CHRM3: variants seen among roughly 807,000 people sequenced by gnomAD.
The protein encoded by CHRM3 is cholinergic receptor muscarinic 3.
A neutral mutation model predicts 41.8 loss-of-function variants in CHRM3; 11 were observed. The observed-to-expected ratio is 0.26, with a 90% CI of 0.17 to 0.44. The LOEUF (loss-of-function observed/expected upper bound fraction) is 0.44. CHRM3 is among the 20% of genes least tolerant of loss of function. CHRM3 has a pLI of 1.00. For synonymous variants in CHRM3, 297 were observed against 301.4 expected (o/e 0.99, Z 0.15); for missense variants, 571 against 745.4 (o/e 0.77, Z 2.72).
At chr1:239,843,359 T>G (rs533381702) in intron 6 of CHRM3, among the ~76,000 whole-genome samples, 1 of 152,134 alleles carries the variant, frequency 6.6e-6, no homozygotes, top group South Asian at 2.1e-4. Flanking sequence ...TTATGATTAT[T>G]TATATAATTA....
intron 1 of CHRM3, among the ~76,000 whole-genome samples, chr1:239,438,643 G>T (rs563665805): frequency 6.6e-6 from 1 of 152,208 alleles, no homozygotes; most frequent in Non-Finnish European, 1.5e-5. Flanking sequence ...TTTGAGATTT[G>T]GGAGGCTTTC....
chr1:239,436,336 G>A (rs1385211791), intron 1 of CHRM3, among the ~76,000 whole-genome samples: 2 of 152,126 alleles, frequency 1.3e-5, no homozygotes, highest in Non-Finnish European at 2.9e-5. Flanking sequence ...CTGGGATCCC[G>A]TTGGTCCTGA....
At chr1:239,731,172 C>T (rs992039385) in intron 5 of CHRM3, among the ~76,000 whole-genome samples, 2 of 151,910 alleles carry the variant, frequency 1.3e-5, no homozygotes, top group African/African-American at 4.8e-5. Context: ...TGGACTGTCA[C>T]GTGCAGATAG....
chr1:239,611,638 C>T (rs1306986702), intron 3 of CHRM3, among the ~76,000 whole-genome samples: 1 of 152,092 alleles, frequency 6.6e-6, no homozygotes, highest in African/African-American at 2.4e-5. Flanking sequence ...CCAGGATGGT[C>T]TTGATCTCCT....
intron 3 of CHRM3, among the ~76,000 whole-genome samples, chr1:239,548,881 T>A (rs1248260931): frequency 6.6e-6 from 1 of 152,252 alleles, no homozygotes; most frequent in East Asian, 1.9e-4. Flanking sequence ...GTTGGAATGC[T>A]GGCCCTACTG....
chr1:239,405,554 CTTCACTG>C (rs934109144), intron 1 of CHRM3, among the ~76,000 whole-genome samples: 12 of 152,054 alleles, frequency 7.9e-5, no homozygotes, highest in African/African-American at 2.4e-4. Context: ...CTTCTCTAGG[CTTCACTG>C]TTTCCCCACC....
chr1:239,638,855 TGGTAATGCCTAGGTTTTCTTCTAG>T, intron 4 of CHRM3, among the ~76,000 whole-genome samples: 1 of 152,308 alleles, frequency 6.6e-6, no homozygotes, highest in Middle Eastern at 3.4e-3. Flanking sequence ...ATGTCCTGAA[TGGTAATGCCTAGGTTTTCTTCTAG>T]GGTTTTTATG....
At chr1:239,824,023 G>A (rs1672258795) in intron 5 of CHRM3, among the ~76,000 whole-genome samples, 1 of 151,970 alleles carries the variant, frequency 6.6e-6, no homozygotes, top group Non-Finnish European at 1.5e-5. Context: ...TGTGCCTGTG[G>A]CTGTGACTCG....
chr1:239,611,076 T>A (rs1269442879), intron 3 of CHRM3, among the ~76,000 whole-genome samples: 1 of 151,898 alleles, frequency 6.6e-6, no homozygotes, highest in Non-Finnish European at 1.5e-5. Flanking sequence ...AAAAAGAAAT[T>A]CCCTGAACAG....
At chr1:239,560,513 T>C (rs1660752642) in intron 3 of CHRM3, among the ~76,000 whole-genome samples, 2 of 152,182 alleles carry the variant, frequency 1.3e-5, no homozygotes, top group African/African-American at 4.8e-5. Context: ...CTCTTCATAG[T>C]ATAACAATAC....
intron 1 of CHRM3, among the ~76,000 whole-genome samples, chr1:239,490,030 GTC>G (rs1304246306): frequency 6.6e-6 from 1 of 152,186 alleles, no homozygotes; most frequent in Non-Finnish European, 1.5e-5. Context: ...AAGTTATCTA[GTC>G]TCTCTGCAAA....
intron 2 of CHRM3, among the ~76,000 whole-genome samples, chr1:239,519,905 A>G (rs561397274): frequency 0.072 from 10,754 of 150,360 alleles, 566 homozygotes; most frequent in Non-Finnish European, 0.11. Context: ...CCGCCACCAC[A>G]CCCCGCTAAT....
intron 1 of CHRM3, among the ~76,000 whole-genome samples, chr1:239,398,092 T>C (rs1179429259): frequency 1.3e-5 from 2 of 152,132 alleles, no homozygotes; most frequent in Non-Finnish European, 2.9e-5. Flanking sequence ...GACAGGAGTA[T>C]GTTTGAGGAA....
intron 3 of CHRM3, among the ~76,000 whole-genome samples, chr1:239,579,948 C>A (rs554758749): frequency 6.6e-6 from 1 of 152,196 alleles, no homozygotes; most frequent in Admixed American, 6.6e-5. Context: ...GGTCCTGCAG[C>A]TCACAGATGT....
chr1:239,898,363 A>C (rs936441560), intron 6 of CHRM3: 2 of 152,180 alleles, frequency 1.3e-5, no homozygotes, highest in South Asian at 4.1e-4. Context: ...TTCACCAGGT[A>C]GTTTTAAAAG....
chr1:239,715,410 T>C (rs1420788327), intron 5 of CHRM3, among the ~76,000 whole-genome samples: 1 of 152,060 alleles, frequency 6.6e-6, no homozygotes, highest in Admixed American at 6.6e-5. Flanking sequence ...AGAGGAGAAA[T>C]AAAAGCTCTA....
At chr1:239,806,606 T>C (rs781662261) in intron 5 of CHRM3, among the ~76,000 whole-genome samples, 19 of 151,998 alleles carry the variant, frequency 1.3e-4, no homozygotes, top group Admixed American at 2.6e-4. Context: ...TGGCTGGGAG[T>C]GTGGGGATGA....
chr1:239,817,097 C>T (rs775143621), intron 5 of CHRM3, among the ~76,000 whole-genome samples: 7 of 152,100 alleles, frequency 4.6e-5, no homozygotes, highest in Non-Finnish European at 8.8e-5. Context: ...ATGCCAAAAG[C>T]TTTGCATAAT....
At chr1:239,839,077 C>G (rs891845387) in intron 6 of CHRM3, among the ~76,000 whole-genome samples, 4 of 152,178 alleles carry the variant, frequency 2.6e-5, no homozygotes, top group Admixed American at 2.6e-4. Context: ...TTCTTCCATT[C>G]GATTGGCCCT....
Sources: gnomAD v4.1 joint callset for allele counts (sites outside exome capture counted in the v4.1 genomes callset) on GRCh38, gnomAD v4.1.1 for gene constraint, MANE v1.5 for transcripts, NCBI Gene and HGNC (gene_info 2026-07-23, HGNC 2026-07-21) for gene names.